The following PLPPR1 variants were observed in gnomAD, a reference collection of about 807,000 sequenced individuals.
The protein encoded by PLPPR1 is phospholipid phosphatase-related protein type 1.
In PLPPR1, 10 loss-of-function variants were observed where a neutral mutation model predicts 33.1. That is an observed-to-expected ratio of 0.30 (90% CI 0.19 to 0.51). The LOEUF is 0.51. Ranked by LOEUF, PLPPR1 falls within the 20% of genes least tolerant of loss-of-function variation. The pLI is 0.97. For missense variants in PLPPR1, 304 were observed against 408.1 expected (o/e 0.74, Z 2.20); for synonymous variants, 151 against 151.0 (o/e 1.00, Z 0.00).
At chr9:101,322,871 A>G (rs1005281785) in intron 7 of PLPPR1, among the ~76,000 whole-genome samples, 2 of 152,210 alleles carry the variant, frequency 1.3e-5, no homozygotes, top group Non-Finnish European at 2.9e-5. Context: ...ATGAAACATT[A>G]TGAAAATGCA....
chr9:101,194,450 TAAA>T (rs1826356254), intron 2 of PLPPR1, among the ~76,000 whole-genome samples: 1 of 152,092 alleles, frequency 6.6e-6, no homozygotes, highest in Admixed American at 6.6e-5. Flanking sequence ...CTTTGTGCCT[TAAA>T]AAGTTCAAAA....
At chr9:101,312,076 A>G (rs1048094913) in intron 5 of PLPPR1, among the ~76,000 whole-genome samples, 1 of 152,176 alleles carries the variant, frequency 6.6e-6, no homozygotes, top group Non-Finnish European at 1.5e-5. Flanking sequence ...TCTTTTACTT[A>G]GCTCAGGTCT....
At chr9:101,165,698 C>T (rs757927434) in intron 1 of PLPPR1, among the ~76,000 whole-genome samples, 1 of 152,070 alleles carries the variant, frequency 6.6e-6, no homozygotes, top group African/African-American at 2.4e-5. Context: ...GGTGATTTAA[C>T]AATAGAGTAA....
At chr9:101,175,159 A>G (rs1410783784) in intron 1 of PLPPR1, among the ~76,000 whole-genome samples, 3 of 152,086 alleles carry the variant, frequency 2.0e-5, no homozygotes, top group African/African-American at 4.8e-5. Context: ...CATGTCTGAT[A>G]GGGGAACACC....
intron 1 of PLPPR1, among the ~76,000 whole-genome samples, chr9:101,176,078 C>T (rs545928876): frequency 2.9e-4 from 44 of 152,238 alleles, no homozygotes; most frequent in African/African-American, 6.3e-4. Flanking sequence ...CCAATAGGAG[C>T]GGACAAATAA....
chr9:101,175,603 T>A (rs1268108866), intron 1 of PLPPR1, among the ~76,000 whole-genome samples: 4 of 152,212 alleles, frequency 2.6e-5, no homozygotes, highest in Non-Finnish European at 5.9e-5. Flanking sequence ...CTTCTTGATA[T>A]CTGTTAGCCC....
At chr9:101,200,980 A>G (rs571576442) in intron 2 of PLPPR1, among the ~76,000 whole-genome samples, 1 of 152,298 alleles carries the variant, frequency 6.6e-6, no homozygotes, top group African/African-American at 2.4e-5. Context: ...AAAAAACAGA[A>G]AAGTATTTTT....
At chr9:101,318,693 G>C (rs1233431611) in intron 7 of PLPPR1, among the ~76,000 whole-genome samples, 2 of 152,128 alleles carry the variant, frequency 1.3e-5, no homozygotes, top group Non-Finnish European at 2.9e-5. Context: ...AGGAGTGTTT[G>C]AGCCTGGGAG....
chr9:101,163,068 T>G (rs2118674932), intron 1 of PLPPR1, among the ~76,000 whole-genome samples: 1 of 152,320 alleles, frequency 6.6e-6, no homozygotes, highest in East Asian at 1.9e-4. Flanking sequence ...TGAAAATAGA[T>G]GTGAACAAAT....
chr9:101,306,561 G>T (rs1828863077), intron 4 of PLPPR1, among the ~76,000 whole-genome samples: 1 of 152,220 alleles, frequency 6.6e-6, no homozygotes, highest in South Asian at 2.1e-4. Context: ...CAAATAAAAA[G>T]TGCTTTACTT....
At chr9:101,302,290 G>A (rs1828768353) in intron 4 of PLPPR1, among the ~76,000 whole-genome samples, 1 of 152,180 alleles carries the variant, frequency 6.6e-6, no homozygotes. Flanking sequence ...TGGTATCCAT[G>A]GCAGTCATAG....
intron 1 of PLPPR1, among the ~76,000 whole-genome samples, chr9:101,045,574 A>G (rs567086697): frequency 1.3e-5 from 2 of 152,352 alleles, no homozygotes; most frequent in African/African-American, 4.8e-5. Context: ...ATTACTCTAA[A>G]GAAGCATATT....
intron 1 of PLPPR1, among the ~76,000 whole-genome samples, chr9:101,054,212 A>G (rs1288387331): frequency 1.3e-5 from 2 of 152,050 alleles, no homozygotes; most frequent in Admixed American, 6.6e-5. Context: ...AACAAAACAC[A>G]CAAAAAAATC....
chr9:101,140,151 C>G (rs73495986), intron 1 of PLPPR1, among the ~76,000 whole-genome samples: 1 of 152,196 alleles, frequency 6.6e-6, no homozygotes, highest in East Asian at 1.9e-4. Context: ...TCCCTCTCTA[C>G]TCCCCACTTT....
intron 4 of PLPPR1, among the ~76,000 whole-genome samples, chr9:101,300,682 GC>G (rs770216522): frequency 1.3e-3 from 196 of 152,270 alleles, no homozygotes; most frequent in Non-Finnish European, 2.5e-3. Flanking sequence ...CGAATTTGAA[GC>G]CTTCTAAAAA....
chr9:101,199,786 C>CT (rs879579459), intron 2 of PLPPR1, among the ~76,000 whole-genome samples: 1 of 152,122 alleles, frequency 6.6e-6, no homozygotes, highest in Non-Finnish European at 1.5e-5. Context: ...CACTAGCACA[C>CT]TTTTTTCATA....
intron 2 of PLPPR1, among the ~76,000 whole-genome samples, chr9:101,226,654 T>C (rs1323345021): frequency 6.6e-6 from 1 of 152,104 alleles, no homozygotes; most frequent in African/African-American, 2.4e-5. Context: ...TATGAGGGCT[T>C]CAACCTCAAG....
intron 1 of PLPPR1, among the ~76,000 whole-genome samples, chr9:101,170,964 A>C (rs1037649504): frequency 2.0e-5 from 3 of 152,106 alleles, no homozygotes; most frequent in African/African-American, 7.2e-5. Context: ...AGAAAATGGC[A>C]TTTAATTGCA....
At chr9:101,281,898 CCAAA>C (rs1165268157) in intron 3 of PLPPR1, among the ~76,000 whole-genome samples, 4 of 152,044 alleles carry the variant, frequency 2.6e-5, no homozygotes, top group Non-Finnish European at 5.9e-5. Flanking sequence ...AATAGAAATT[CCAAA>C]CAAACTAGGT....
Sources: gnomAD v4.1 joint callset for allele counts (sites outside exome capture counted in the v4.1 genomes callset) on GRCh38, gnomAD v4.1.1 for gene constraint, MANE v1.5 for transcripts, NCBI Gene and HGNC (gene_info 2026-07-23, HGNC 2026-07-21) for gene names.